FGF13: variants seen among roughly 807,000 people sequenced by gnomAD.
The protein encoded by FGF13 is fibroblast growth factor 13, also known as fibroblast growth factor homologous factor 2.
A neutral mutation model predicts 19.5 loss-of-function variants in FGF13; 2 were observed. That is an observed-to-expected ratio of 0.10 (90% CI 0.04 to 0.32). FGF13 has a LOEUF of 0.32. FGF13 is among the 10% of genes least tolerant of loss of function. FGF13 has a pLI of 1.00. For synonymous variants in FGF13, 72 were observed against 76.9 expected, an observed-to-expected ratio of 0.94 and a Z score of 0.33; for missense variants, 113 against 192.7, an observed-to-expected ratio of 0.59 and a Z score of 2.45.
chrX:138,867,062 C>A (rs115595044), intron 1 of FGF13, among the ~76,000 whole-genome samples: 1,965 of 111,111 alleles, frequency 0.018, 46 homozygotes, highest in African/African-American at 0.061. Flanking sequence ...GTCACTTTAA[C>A]AATTAAACAA....
chrX:138,710,370 G>A (rs1046088765), intron 1 of FGF13, among the ~76,000 whole-genome samples: 6 of 109,102 alleles, frequency 5.5e-5, no homozygotes, highest in African/African-American at 1.7e-4. Flanking sequence ...ATCCCTTGGA[G>A]GTGGAAGCTG....
Position 139,185,937 on chromosome X carries a change from CA to C in FGF13, c.-113+17478del, listed in dbSNP as rs202117038. ...TGAGTTCTTAAGGCCCAGTCCAGTA[CA>C]GGGGACCATTATATCACACACAATC... On this transcript the variant is annotated intron_variant, in intron 1 of 2. Coordinates refer to the FGF13 transcript ENST00000421460. Among the ~76,000 whole-genome samples, 655 of 111,409 alleles carry C rather than the reference CA, an allele frequency of 5.9e-3. 4 individuals carry two copies. The highest frequency in any genetic ancestry group is 0.021 in the African/African-American group (630 of 30,608).
chrX:138,764,089 C>T (rs776623169), intron 3 of FGF13, among the ~76,000 whole-genome samples: 1 of 111,604 alleles, frequency 9.0e-6, no homozygotes, highest in Admixed American at 9.6e-5. Context: ...CTAGCTTAGA[C>T]CCTGAGCTGA....
intron 1 of FGF13, among the ~76,000 whole-genome samples, chrX:138,897,267 A>C (rs141829436): frequency 0.087 from 9,579 of 109,975 alleles, 1,067 homozygotes; most frequent in African/African-American, 0.3. Context: ...GCTTTGGCCT[A>C]CGAAAGTGCT....
intron 1 of FGF13, among the ~76,000 whole-genome samples, chrX:139,052,783 T>C (rs974001957): frequency 1.8e-5 from 2 of 112,398 alleles, no homozygotes; most frequent in African/African-American, 3.2e-5. Flanking sequence ...CCATTGCTTT[T>C]TGTTTGTTTT....
chrX:139,079,523 C>T (rs1039496517), intron 1 of FGF13, among the ~76,000 whole-genome samples: 1 of 111,301 alleles, frequency 9.0e-6, no homozygotes, highest in African/African-American at 3.3e-5. Flanking sequence ...CAAACACCAT[C>T]CTCCCTCTAG....
At chrX:139,056,736 T>C (rs1421903723) in intron 1 of FGF13, among the ~76,000 whole-genome samples, 1 of 112,056 alleles carries the variant, frequency 8.9e-6, no homozygotes, top group East Asian at 2.8e-4. Flanking sequence ...ATATTATGTG[T>C]GTATTAAAAA....
At chrX:138,773,973 A>T (rs1438215220) in intron 3 of FGF13, among the ~76,000 whole-genome samples, 1 of 111,122 alleles carries the variant, frequency 9.0e-6, no homozygotes, top group African/African-American at 3.3e-5. Flanking sequence ...TCTTCTCCAT[A>T]ACTTGATACA....
rs1242931386 is a variant in FGF13, at chrX:138,702,723, A to G, written c.402+261T>C. Among the ~76,000 whole-genome samples the G allele has an allele frequency of 3.6e-5, 4 of 112,417 alleles. No homozygotes were observed. The East Asian group carries it at 1.1e-3, about 31-fold the overall frequency. The stretch of plus-strand genomic sequence containing the variant: ...GCAGCAAGACAGACCATTATATGCT[A>G]CATAAGATGACCCAAATGACACTGT... On this transcript the variant is annotated intron_variant, in intron 3 of 4. Coordinates refer to ENST00000315930, the MANE Select transcript of FGF13 (RefSeq NM_004114.5).
downstream of FGF13, among the ~76,000 whole-genome samples, chrX:138,855,496 C>A (rs1238194872): frequency 9.0e-6 from 1 of 111,452 alleles, no homozygotes; most frequent in Non-Finnish European, 1.9e-5. Context: ...GCTTTGATAT[C>A]GTGGCAGGAG....
chrX:138,650,080 C>T lies in FGF13; in HGVS notation c.403-14425G>A, dbSNP rs1472370892. On this transcript the variant is annotated intron_variant, in intron 3 of 4. Transcript: ENST00000315930. Reference sequence around the variant, plus strand: ...TCTCTAGACAGTTGTCCAAAGAGCACTTCCCAGGTCTCAGCCTGAACTCAT... The same window carrying T: ...TCTCTAGACAGTTGTCCAAAGAGCATTTCCCAGGTCTCAGCCTGAACTCAT... 5.4e-5 allele frequency among the ~76,000 whole-genome samples: 6 copies of T among 112,060 alleles called. No individual in the cohort carries two copies. The East Asian group carries it at 1.7e-3, about 32-fold the overall frequency.
chrX:138,711,689 G>A lies in FGF13; in HGVS notation c.-686C>T, dbSNP rs2124256444. The A allele has an allele frequency of 1.3e-6, 1 of 754,111 alleles. No homozygotes were observed. The highest frequency in any genetic ancestry group is 6.7e-5 in the South Asian group (1 of 14,840). 62.1% of individuals were successfully genotyped at this position (754,111 alleles called of 1,213,427 possible). On this transcript the variant is annotated 5_prime_UTR_variant, in exon 1 of 5. Coordinates refer to ENST00000315930, the MANE Select transcript of FGF13 (RefSeq NM_004114.5). The stretch of plus-strand genomic sequence containing the variant: ...ACAGTCGCAGCACAGGAATTCAGCC[G>A]CCGCAGGCACCCTCCGGAACAGCGC...
At chrX:138,917,085 AT>A (rs926331396) in intron 1 of FGF13, among the ~76,000 whole-genome samples, 2 of 111,754 alleles carry the variant, frequency 1.8e-5, no homozygotes, top group African/African-American at 6.5e-5. Flanking sequence ...TGCAAAAAAA[AT>A]GAGAAATAAA....
intron 3 of FGF13, among the ~76,000 whole-genome samples, chrX:138,813,906 C>G (rs1457272557): frequency 9.0e-6 from 1 of 111,290 alleles, no homozygotes; most frequent in African/African-American, 3.3e-5. Flanking sequence ...AAAGGAAGGA[C>G]TAGGACATTT....
chrX:138,980,471 G>T (rs933046491), intron 1 of FGF13, among the ~76,000 whole-genome samples: 3 of 111,889 alleles, frequency 2.7e-5, no homozygotes, highest in African/African-American at 9.8e-5. Flanking sequence ...TCTTTACCAT[G>T]AGGACTTGAT....
At chrX:138,960,249 T>C (rs1034886950) in intron 1 of FGF13, among the ~76,000 whole-genome samples, 5 of 111,856 alleles carry the variant, frequency 4.5e-5, no homozygotes, top group African/African-American at 9.8e-5. Context: ...TTTGCTTGTC[T>C]GTAAAGGATT....
rs757375533 is a variant in FGF13, at chrX:139,202,504, C to T, written c.-113+912G>A. 5.4e-5 allele frequency among the ~76,000 whole-genome samples: 6 copies of T among 111,878 alleles called. No individual in the cohort carries two copies. The East Asian group carries it at 1.4e-3, about 26-fold the overall frequency. ...TCTTTCACTTGGGATTGAATGCTAG[C>T]CTTGAGCCAGACCGGGGGCAACAAT... On this transcript the variant is annotated intron_variant, in intron 1 of 2. Transcript: ENST00000421460.
At chrX:138,779,644 C>T (rs2090621666) in intron 3 of FGF13, among the ~76,000 whole-genome samples, 1 of 110,857 alleles carries the variant, frequency 9.0e-6, no homozygotes, top group African/African-American at 3.3e-5. Context: ...AACAAAGCCT[C>T]CAAGAAATAT....
intron 3 of FGF13, among the ~76,000 whole-genome samples, chrX:138,692,194 T>A (rs892033815): frequency 2.7e-5 from 3 of 111,689 alleles, no homozygotes; most frequent in African/African-American, 9.7e-5. Flanking sequence ...TCATCAGTCT[T>A]TATGCTTTAT....
Sources: gnomAD v4.1 joint callset for allele counts (sites outside exome capture counted in the v4.1 genomes callset) on GRCh38, gnomAD v4.1.1 for gene constraint, MANE v1.5 for transcripts, NCBI Gene and HGNC (gene_info 2026-07-23, HGNC 2026-07-21) for gene names.